Variants in ABR observed in about 807,000 individuals in gnomAD.
ABR encodes the protein ABR activator of RhoGEF and GTPase.
In ABR, 35 loss-of-function variants were observed where a neutral mutation model predicts 107.2. The observed-to-expected ratio is 0.33, with a 90% CI of 0.25 to 0.43. ABR has a LOEUF of 0.43. Among genes scored for constraint, ABR ranks in the 20% least tolerant of loss-of-function variants. ABR has a pLI of 1.00. For synonymous variants in ABR, 498 were observed against 462.0 expected (o/e 1.08, Z -1.00); for missense variants, 815 against 1,115.2 (o/e 0.73, Z 3.83).
rs965587836 is a variant in ABR, at chr17:1,078,923, G to A, written c.700+407C>T. ...GCTCCAGGCTCCCCGGCGCCCACCA[G>A]CAGCCCGGCCACTCAGCCACCTTGC... is the stretch of plus-strand genomic sequence containing the variant. On this transcript the variant is annotated intron_variant, in intron 6 of 22. Coordinates refer to ENST00000302538, the MANE Select transcript of ABR (RefSeq NM_021962.5). This position sits in a 1 kb window ranked among gnomAD's most constrained non-coding sequence, Gnocchi z 7.5. 1.2e-5 allele frequency: 18 copies of A among 1,531,830 alleles called. No homozygotes were observed. Among genetic ancestry groups the A allele is most frequent in the Non-Finnish European group, 1.5e-5 (17 of 1,144,614 alleles). The allele number at this position is 1,531,830 out of a possible 1,614,324, so 94.9% of individuals were successfully genotyped here. A position where few individuals can be genotyped will look rare whatever the true frequency, so the allele number is the denominator to read the frequency against.
chr17:1,024,138 C>T (rs1172072657), intron 16 of ABR, among the ~76,000 whole-genome samples: 1 of 151,980 alleles, frequency 6.6e-6, no homozygotes, highest in Non-Finnish European at 1.5e-5. Context: ...CTGCCGGGGA[C>T]GTGAGGGGCT....
At chr17:1,019,470 TCTGCTGCAGGTGTGGCCCTGGTGC>T (rs150213910) in intron 16 of ABR, among the ~76,000 whole-genome samples, 94,627 of 151,496 alleles carry the variant, frequency 0.62, 29,955 homozygotes, top group East Asian at 0.77. Flanking sequence ...GGCCCTGGTA[TCTGCTGCAGGTGTGGCCCTGGTGC>T]CTGCTGCAGG....
At position 1,067,247 on chromosome 17, in the gene ABR, A is replaced by C. The variant is rs376303095; in HGVS notation, c.1017-5T>G. 20 of 1,575,062 alleles carry C rather than the reference A, an allele frequency of 1.3e-5. No homozygotes were observed. The highest frequency in any genetic ancestry group is 1.7e-5 in the Non-Finnish European group (20 of 1,162,394). ...CAGTCATACTGCTGGTGCTTCCTGC[A>C]AACGAGCCAGAGGGAGCCATGAGCC... On this transcript the variant is annotated splice_polypyrimidine_tract_variant and splice_region_variant and intron_variant, in intron 9 of 22. Coordinates refer to ENST00000302538, the MANE Select transcript of ABR (RefSeq NM_021962.5).
chr17:1,137,595 T>C (rs1230171279), intron 1 of ABR, among the ~76,000 whole-genome samples: 1 of 152,124 alleles, frequency 6.6e-6, no homozygotes, highest in Non-Finnish European at 1.5e-5. Flanking sequence ...GGATCGCTGA[T>C]CACAGATCAC....
intron 1 of ABR, among the ~76,000 whole-genome samples, chr17:1,223,889 C>T (rs2043167079): frequency 4.6e-5 from 7 of 152,130 alleles, no homozygotes; most frequent in Admixed American, 4.6e-4. Context: ...CCAGTCGCCT[C>T]CCACCAGGTC....
At chr17:1,049,755 G>A (rs771188645) in intron 16 of ABR, among the ~76,000 whole-genome samples, 90 of 152,300 alleles carry the variant, frequency 5.9e-4, no homozygotes, top group Middle Eastern at 6.8e-3. Context: ...TCAACATGGC[G>A]TTCCGGGAAA....
At chr17:1,214,280 A>T (rs1303290923) in intron 1 of ABR, among the ~76,000 whole-genome samples, 1 of 151,948 alleles carries the variant, frequency 6.6e-6, no homozygotes, top group East Asian at 1.9e-4. Context: ...TTCAACCTAA[A>T]ATGAACATTT....
intron 1 of ABR, among the ~76,000 whole-genome samples, chr17:1,201,299 G>T (rs989328599): frequency 6.6e-6 from 1 of 152,126 alleles, no homozygotes; most frequent in African/African-American, 2.4e-5. Context: ...ACGACGTATT[G>T]AACCTCTCTG....
rs201114133 is a variant in ABR, at chr17:1,210,953, TG to T, written c.838+17839del. ...CCTGCCAAACTCTGGGGTGCTGGACTGGCTGCTGAAAAATCTCCCGAGCTTG... is the reference window on the plus strand; with the variant it reads ...CCTGCCAAACTCTGGGGTGCTGGACTGCTGCTGAAAAATCTCCCGAGCTTG... On this transcript the variant is annotated intron_variant, in intron 1 of 22. Coordinates refer to the ABR transcript ENST00000574139. This position sits in a 1 kb window ranked among gnomAD's most constrained non-coding sequence, Gnocchi z 5.6. 4.9e-3 allele frequency among the ~76,000 whole-genome samples: 742 copies of T among 152,302 alleles called. 16 individuals are homozygous for T. Among genetic ancestry groups the T allele is most frequent in the Admixed American group, 0.044 (667 of 15,276 alleles).
intron 3 of ABR, among the ~76,000 whole-genome samples, chr17:1,094,637 C>G (rs1276580475): frequency 6.6e-6 from 1 of 152,126 alleles, no homozygotes. Flanking sequence ...TCTTGAAGTG[C>G]TGGGATGACA....
At chr17:1,211,450 A>T (rs907434187) in intron 1 of ABR, among the ~76,000 whole-genome samples, 13 of 152,138 alleles carry the variant, frequency 8.5e-5, no homozygotes, top group Non-Finnish European at 2.9e-5. Flanking sequence ...GTCAGTCCTT[A>T]TCTAAATTAT....
chr17:1,101,861 G>A (rs2037903432), intron 2 of ABR, among the ~76,000 whole-genome samples: 2 of 151,778 alleles, frequency 1.3e-5, no homozygotes. Flanking sequence ...AGCCTCCCGA[G>A]TAGCTGGGAC....
intron 9 of ABR, among the ~76,000 whole-genome samples, 162 bp from the exon 10 acceptor site, chr17:1,067,404 C>G (rs2034844753): frequency 6.6e-6 from 1 of 152,194 alleles, no homozygotes; most frequent in South Asian, 2.1e-4. Flanking sequence ...GAAACACACA[C>G]TGGAGTGATG....
At chr17:1,073,714 A>G in intron 6 of ABR, 37 bp from the exon 7 acceptor site, 1 of 1,571,140 alleles carries the variant, frequency 6.4e-7, no homozygotes, top group Non-Finnish European at 8.7e-7. Flanking sequence ...GAAGAGGATG[A>G]TGGACGAGGG....
At chr17:1,113,399 G>A (rs570341687) in intron 2 of ABR, among the ~76,000 whole-genome samples, 43 of 139,212 alleles carry the variant, frequency 3.1e-4, no homozygotes, top group Middle Eastern at 9.0e-3. Context: ...CCATTCTTTC[G>A]CCTCAGCCTC....
chr17:1,012,592 G>T, intron 18 of ABR, 96 bp downstream of exon 18: 1 of 892,448 alleles, frequency 1.1e-6, no homozygotes, highest in Non-Finnish European at 1.8e-6. Flanking sequence ...CTGATTAGGT[G>T]CCAGGATGGG....
At chr17:1,151,103 G>C (rs2040775674) in intron 1 of ABR, among the ~76,000 whole-genome samples, 1 of 152,118 alleles carries the variant, frequency 6.6e-6, no homozygotes, top group Non-Finnish European at 1.5e-5. Flanking sequence ...TAACCTCTCT[G>C]TGCCTCTGTT....
intron 1 of ABR, among the ~76,000 whole-genome samples, chr17:1,195,246 G>C (rs1238669094): frequency 7.1e-6 from 1 of 140,742 alleles, no homozygotes; most frequent in African/African-American, 2.5e-5. Context: ...GGCGGAGCTT[G>C]CAGTGAGCGG....
chr17:1,206,329 T>A (rs1479558354), intron 1 of ABR, among the ~76,000 whole-genome samples: 1 of 152,096 alleles, frequency 6.6e-6, no homozygotes, highest in Non-Finnish European at 1.5e-5. Flanking sequence ...TCACACAGGG[T>A]TTATCCCAGG....
Sources: gnomAD v4.1 joint callset for allele counts (sites outside exome capture counted in the v4.1 genomes callset) on GRCh38, gnomAD v4.1.1 for gene constraint, Gnocchi (gnomAD v3.1) non-coding constraint, MANE v1.5 for transcripts, NCBI Gene and HGNC (gene_info 2026-07-23, HGNC 2026-07-21) for gene names.